KDM4B: variants seen among roughly 807,000 people sequenced by gnomAD.
KDM4B encodes the protein lysine-specific demethylase 4B.
A neutral mutation model predicts 125.2 loss-of-function variants in KDM4B; 32 were observed. That is an observed-to-expected ratio of 0.26 (90% CI 0.19 to 0.34). KDM4B has a LOEUF of 0.34. KDM4B is among the 10% of genes least tolerant of loss of function. The pLI is 1.00. For missense variants in KDM4B, 1,190 were observed against 1,577.7 expected (o/e 0.75, Z 4.16); for synonymous variants, 721 against 677.9 (o/e 1.06, Z -0.99).
intron 2 of KDM4B, among the ~76,000 whole-genome samples, chr19:5,024,432 A>T (rs1312037544): frequency 4.6e-5 from 7 of 152,090 alleles, no homozygotes; most frequent in Non-Finnish European, 8.8e-5. Context: ...AGCGATCAGG[A>T]GAGCAGCCCA....
At chr19:4,982,386 A>G (rs1280905587) in intron 1 of KDM4B, among the ~76,000 whole-genome samples, 2 of 132,074 alleles carry the variant, frequency 1.5e-5, no homozygotes, top group African/African-American at 5.8e-5. Flanking sequence ...TGAGAGGCGG[A>G]GGTTGCAGTG....
intron 9 of KDM4B, among the ~76,000 whole-genome samples, chr19:5,100,298 G>A (rs1445164757): frequency 6.6e-6 from 1 of 152,232 alleles, no homozygotes; most frequent in Non-Finnish European, 1.5e-5. Context: ...TTGCTCTCCT[G>A]TCTTTCTTGT....
At chr19:5,094,945 A>T (rs1404494575) in intron 9 of KDM4B, among the ~76,000 whole-genome samples, 9 of 152,076 alleles carry the variant, frequency 5.9e-5, no homozygotes, top group African/African-American at 2.2e-4. Flanking sequence ...GTCACCGTGC[A>T]GCTGATGCGT....
At chr19:5,083,559 G>A (rs546619330) in intron 9 of KDM4B, among the ~76,000 whole-genome samples, 1 of 152,320 alleles carries the variant, frequency 6.6e-6, no homozygotes, top group African/African-American at 2.4e-5. Context: ...TTTCCTGGCT[G>A]CCCCCAAGTA....
intron 10 of KDM4B, among the ~76,000 whole-genome samples, chr19:5,118,490 G>A (rs2039299038): frequency 6.6e-6 from 1 of 152,128 alleles, no homozygotes; most frequent in Non-Finnish European, 1.5e-5. Flanking sequence ...GGGTGGGCCT[G>A]GAGGAGGTGC....
At chr19:4,976,909 A>G (rs1018335771) in intron 1 of KDM4B, among the ~76,000 whole-genome samples, 1 of 152,258 alleles carries the variant, frequency 6.6e-6, no homozygotes, top group Non-Finnish European at 1.5e-5. Context: ...TGACTTGTCA[A>G]GAAATCGTAC....
At chr19:5,084,638 A>G (rs1162152356) in intron 9 of KDM4B, among the ~76,000 whole-genome samples, 1 of 145,424 alleles carries the variant, frequency 6.9e-6, no homozygotes, top group Non-Finnish European at 1.5e-5. Flanking sequence ...TATAAATTAT[A>G]TATGTATGTA....
intron 1 of KDM4B, among the ~76,000 whole-genome samples, chr19:4,981,547 T>G (rs1419590340): frequency 6.6e-6 from 1 of 152,118 alleles, no homozygotes; most frequent in Non-Finnish European, 1.5e-5. Flanking sequence ...AATGTGCCCC[T>G]GGGGCCCAGC....
chr19:5,142,846 G>A lies in KDM4B; in HGVS notation c.2551-1121G>A, dbSNP rs748352750. ...CCCTTGGCTTATCTGGCTTTTGAACGTGGTTTATAGAGTGGTGACGGTGCC... is the reference window on the plus strand; with the variant it reads ...CCCTTGGCTTATCTGGCTTTTGAACATGGTTTATAGAGTGGTGACGGTGCC... On this transcript the variant is annotated intron_variant, in intron 18 of 22. Transcript: ENST00000159111. This position sits in a 1 kb window ranked among gnomAD's most constrained non-coding sequence, Gnocchi z 5.4. Among the ~76,000 whole-genome samples the A allele has an allele frequency of 6.6e-6, 1 of 152,114 alleles. No homozygotes were observed. The highest frequency in any genetic ancestry group is 2.4e-5 in the African/African-American group (1 of 41,500).
chr19:5,021,982 C>T (rs550514872), intron 2 of KDM4B, among the ~76,000 whole-genome samples: 1 of 152,258 alleles, frequency 6.6e-6, no homozygotes, highest in East Asian at 1.9e-4. Flanking sequence ...TTGCCTCTGT[C>T]TGCTTTCCGT....
rs768287185 is a variant in KDM4B, at chr19:5,041,121, G to T, written c.318-16G>T. On this transcript the variant is annotated splice_polypyrimidine_tract_variant and intron_variant, in intron 4 of 22. Coordinates refer to ENST00000159111, the MANE Select transcript of KDM4B (RefSeq NM_015015.3). ...AGGCCTCACCCTGAGCTGGTTTTGGGGTGTTTGTTCACCAGGTACTGTACC... is the reference window on the plus strand; with the variant it reads ...AGGCCTCACCCTGAGCTGGTTTTGGTGTGTTTGTTCACCAGGTACTGTACC... 1.3e-6 allele frequency: 2 copies of T among 1,569,720 alleles called. No homozygotes were observed. Among genetic ancestry groups the T allele is most frequent in the Non-Finnish European group, 1.8e-6 (2 of 1,141,788 alleles).
rs543871163 is a variant in KDM4B, at chr19:5,045,308, C to T, written c.433-2168C>T. ...ATTCCCCCGATGGCTGCCTTCGCGGCGGGGCCCCTTTGCATGCCTGTTTGC... is the reference window on the plus strand; with the variant it reads ...ATTCCCCCGATGGCTGCCTTCGCGGTGGGGCCCCTTTGCATGCCTGTTTGC... On this transcript the variant is annotated intron_variant, in intron 5 of 22. Coordinates refer to ENST00000159111, the MANE Select transcript of KDM4B (RefSeq NM_015015.3). 3.3e-5 allele frequency among the ~76,000 whole-genome samples: 5 copies of T among 152,336 alleles called. No homozygotes were observed. In the South Asian group the frequency reaches 8.3e-4, roughly 25 times the overall value.
At chr19:5,132,890 C>A (rs371087935) in intron 13 of KDM4B, among the ~76,000 whole-genome samples, 1 of 152,206 alleles carries the variant, frequency 6.6e-6, no homozygotes, top group Non-Finnish European at 1.5e-5. Flanking sequence ...CCCTGGGCTC[C>A]GCTGGCGGTA....
chr19:5,041,416 G>A (rs970612192), intron 5 of KDM4B, among the ~76,000 whole-genome samples, 165 bp downstream of exon 5: 8 of 152,036 alleles, frequency 5.3e-5, no homozygotes, highest in African/African-American at 1.9e-4. Context: ...TGACGAAAGA[G>A]GAAGCCAGGC....
At chr19:5,024,543 G>A (rs899789733) in intron 2 of KDM4B, among the ~76,000 whole-genome samples, 4 of 151,942 alleles carry the variant, frequency 2.6e-5, no homozygotes, top group Non-Finnish European at 5.9e-5. Context: ...GGGTGGGGCC[G>A]CCCATAAGAT....
At chr19:5,048,227 G>A (rs1311161533) in intron 6 of KDM4B, among the ~76,000 whole-genome samples, 1 of 152,228 alleles carries the variant, frequency 6.6e-6, no homozygotes, top group Non-Finnish European at 1.5e-5. Context: ...CTGCTGTGGC[G>A]GGCTGAGTTC....
intron 1 of KDM4B, among the ~76,000 whole-genome samples, chr19:4,974,049 C>T (rs1599329771): frequency 6.6e-6 from 1 of 151,076 alleles, no homozygotes; most frequent in East Asian, 2.0e-4. Context: ...AGAATTGCAC[C>T]GAGATCCTGC....
At chr19:5,137,398 C>G in intron 16 of KDM4B, 60 bp downstream of exon 16, 2 of 1,458,088 alleles carry the variant, frequency 1.4e-6, no homozygotes, top group Non-Finnish European at 1.9e-6. Flanking sequence ...GGCCCCACTC[C>G]AGTGGGGTGA....
intron 1 of KDM4B, among the ~76,000 whole-genome samples, chr19:5,012,363 T>C (rs2035755716): frequency 6.6e-6 from 1 of 152,232 alleles, no homozygotes; most frequent in African/African-American, 2.4e-5. Context: ...GTCTCTTGAT[T>C]AACACGTTGT....
Sources: allele counts gnomAD v4.1 joint callset (sites outside exome capture counted in the v4.1 genomes callset), GRCh38; gene constraint gnomAD v4.1.1; non-coding constraint Gnocchi (gnomAD v3.1); transcripts MANE v1.5; gene names NCBI Gene and HGNC (gene_info 2026-07-23, HGNC 2026-07-21).